The following LPP variants were observed in gnomAD, a reference collection of about 807,000 sequenced individuals.
LPP encodes lipoma-preferred partner.
A neutral mutation model predicts 60.4 loss-of-function variants in LPP; 38 were observed. The observed-to-expected ratio is 0.63, with a 90% CI of 0.49 to 0.83. The LOEUF (loss-of-function observed/expected upper bound fraction) is 0.83. Among genes scored for constraint, LPP ranks in the 40% least tolerant of loss-of-function variants. The pLI is 0.00. For missense variants in LPP, 902 were observed against 783.6 expected (o/e 1.15, Z -1.80); for synonymous variants, 328 against 290.8 (o/e 1.13, Z -1.30).
chr3:188,806,474 G>A (rs890591163), intron 9 of LPP, among the ~76,000 whole-genome samples: 3 of 151,778 alleles, frequency 2.0e-5, no homozygotes, highest in East Asian at 3.9e-4. Context: ...CTTTTAGACA[G>A]ATACGTCTTT....
rs1297300238 is a variant in LPP, at chr3:188,182,913, G to C, written c.-190+28661G>C. On this transcript the variant is annotated intron_variant, in intron 1 of 11. Coordinates refer to ENST00000617246, the MANE Select transcript of LPP (RefSeq NM_001375462.1). This position sits in a 1 kb window ranked among gnomAD's most constrained non-coding sequence, Gnocchi z 4.4. The stretch of plus-strand genomic sequence containing the variant: ...AAGTAGACCTGGTCAAGAGTACTTA[G>C]AGAAAATTCCCTCAGTGTTTCCATT... 6.6e-6 allele frequency among the ~76,000 whole-genome samples: 1 copy of C among 152,080 alleles called. No homozygotes were observed. The highest frequency in any genetic ancestry group is 1.5e-5 in the Non-Finnish European group (1 of 68,024).
At chr3:188,602,263 T>C (rs992269115) in intron 6 of LPP, among the ~76,000 whole-genome samples, 6 of 145,054 alleles carry the variant, frequency 4.1e-5, no homozygotes, top group Non-Finnish European at 7.6e-5. Context: ...AGTGGCCTGG[T>C]TGGATGAGGA....
chr3:188,492,333 G>A (rs944145163), intron 5 of LPP, among the ~76,000 whole-genome samples: 1 of 152,096 alleles, frequency 6.6e-6, no homozygotes, highest in African/African-American at 2.4e-5. Context: ...TTCTTCAAAG[G>A]TGAAATGTAC....
chr3:188,315,651 A>T (rs1187586078), intron 2 of LPP, among the ~76,000 whole-genome samples: 1 of 152,198 alleles, frequency 6.6e-6, no homozygotes, highest in Non-Finnish European at 1.5e-5. Context: ...CTTTGTAGGG[A>T]CAGGAACCTT....
chr3:188,304,880 G>A lies in LPP; in HGVS notation c.-66-36783G>A, dbSNP rs114878263. 8.1e-3 allele frequency among the ~76,000 whole-genome samples: 1,227 copies of A among 152,210 alleles called. 13 individuals carry two copies. The highest frequency in any genetic ancestry group is 0.028 in the African/African-American group (1,157 of 41,546). On this transcript the variant is annotated intron_variant, in intron 2 of 11. Transcript: ENST00000617246. ...ACCTTTCTTAACAGCTCTTCTGATA[G>A]TTAAATGTCAGTTGCTTCAAAAAAG...
chr3:188,879,662 A>C lies in LPP; in HGVS notation c.*5183A>C, dbSNP rs3856922. ...TTTAAGTCTGAAGCAATGTAACCCC[A>C]AAAAATTATAATTTTAATGATGGCA... On this transcript the variant is annotated 3_prime_UTR_variant, in exon 12 of 12. Coordinates refer to ENST00000617246, the MANE Select transcript of LPP (RefSeq NM_001375462.1). 0.14 allele frequency: 25,172 copies of C among 183,106 alleles called. 2,251 individuals are homozygous for C. The highest frequency in any genetic ancestry group is 0.24 in the Middle Eastern group (118 of 490). 11.3% of individuals were successfully genotyped at this position (183,106 alleles called of 1,614,324 possible). A position where few individuals can be genotyped will look rare whatever the true frequency, so the allele number is the denominator to read the frequency against.
chr3:188,501,073 T>G (rs1811688208), intron 5 of LPP, among the ~76,000 whole-genome samples: 1 of 152,120 alleles, frequency 6.6e-6, no homozygotes, highest in South Asian at 2.1e-4. Flanking sequence ...TTATTATTTC[T>G]TCCCTTCTGG....
At chr3:188,852,161 C>G (rs1265655509) in intron 9 of LPP, among the ~76,000 whole-genome samples, 1 of 152,046 alleles carries the variant, frequency 6.6e-6, no homozygotes. Context: ...GAGACTCTGT[C>G]TCAAAAAAGA....
rs140733321 is a variant in LPP, at chr3:188,762,253, A to G, written c.1410+1971A>G. On this transcript the variant is annotated intron_variant, in intron 9 of 11. Coordinates refer to ENST00000617246, the MANE Select transcript of LPP (RefSeq NM_001375462.1). Reference sequence around the variant, plus strand: ...GGAAAATTATTTACTCTTTCTAAGTATCAGTTGCCTCATCTATATAATGGG... The same window carrying G: ...GGAAAATTATTTACTCTTTCTAAGTGTCAGTTGCCTCATCTATATAATGGG... Among the ~76,000 whole-genome samples, 124 of 152,314 alleles carry G rather than the reference A, an allele frequency of 8.1e-4. 2 individuals carry two copies. Among genetic ancestry groups the G allele is most frequent in the African/African-American group, 2.9e-3 (122 of 41,564 alleles).
intron 2 of LPP, among the ~76,000 whole-genome samples, chr3:188,237,868 T>C (rs1182536418): frequency 1.3e-5 from 2 of 152,224 alleles, no homozygotes; most frequent in African/African-American, 4.8e-5. Context: ...CCAGCCACAT[T>C]AGCCTCTAAC....
At chr3:188,317,829 A>G (rs1755552143) in intron 2 of LPP, among the ~76,000 whole-genome samples, 1 of 152,144 alleles carries the variant, frequency 6.6e-6, no homozygotes, top group South Asian at 2.1e-4. Context: ...GCACAGGGAG[A>G]AAAGAGAGAA....
intron 5 of LPP, among the ~76,000 whole-genome samples, chr3:188,519,832 A>C (rs1338506086): frequency 6.6e-6 from 1 of 152,164 alleles, no homozygotes; most frequent in Non-Finnish European, 1.5e-5. Flanking sequence ...TGTGAATTTA[A>C]ATTTTTTGGA....
chr3:188,609,317 A>C lies in LPP; in HGVS notation c.586A>C (p.Ile196Leu). Reference sequence around the variant, plus strand: ...GGCTGGACCCATCCCTGTGGCTCCAATCGGAACACTCAAACCCCAGCCTCA... The same window carrying C: ...GGCTGGACCCATCCCTGTGGCTCCACTCGGAACACTCAAACCCCAGCCTCA... ...PQAGPIPVAP[I>L]GTLKPQPQPV... is the part of the protein sequence containing the mutation. Residue 196 changes from isoleucine (I) to leucine (L), a missense_variant, in exon 7 of 12, where the codon ATC becomes CTC. Physicochemically the swap from Ile to Leu is conservative, Grantham distance 5. Coordinates refer to ENST00000617246, the MANE Select transcript of LPP (RefSeq NM_001375462.1). The surrounding 1 kb of genome is among the most constrained non-coding windows in gnomAD (Gnocchi z 6.9). 1 of 1,614,022 alleles carries C rather than the reference A, an allele frequency of 6.2e-7. No homozygotes were observed. Among genetic ancestry groups the C allele is most frequent in the Non-Finnish European group, 8.5e-7 (1 of 1,179,996 alleles).
intron 8 of LPP, among the ~76,000 whole-genome samples, chr3:188,732,716 C>CAAA (rs1167795146): frequency 0.24 from 17,981 of 74,116 alleles, 2,427 homozygotes; most frequent in Middle Eastern, 0.43. Flanking sequence ...AGACTCTTAT[C>CAAA]AAAAAAAAAA....
intron 5 of LPP, among the ~76,000 whole-genome samples, chr3:188,496,136 T>G (rs1453664089): frequency 6.6e-6 from 1 of 152,082 alleles, no homozygotes; most frequent in Admixed American, 6.5e-5. Context: ...ACGTCTTTTT[T>G]TTTTGAGACA....
chr3:188,496,194 C>G (rs537526337), intron 5 of LPP, among the ~76,000 whole-genome samples: 1 of 151,918 alleles, frequency 6.6e-6, no homozygotes, highest in Non-Finnish European at 1.5e-5. Context: ...GGCATGATCT[C>G]CACTCACTGC....
chr3:188,310,911 T>G (rs145375931), intron 2 of LPP, among the ~76,000 whole-genome samples: 1 of 152,202 alleles, frequency 6.6e-6, no homozygotes, highest in African/African-American at 2.4e-5. Flanking sequence ...GAACTTGGGC[T>G]AAGTGCTTTA....
intron 9 of LPP, among the ~76,000 whole-genome samples, chr3:188,760,932 T>C (rs1732108426): frequency 6.6e-6 from 1 of 152,178 alleles, no homozygotes; most frequent in Non-Finnish European, 1.5e-5. Context: ...TATACCTGGG[T>C]AACTAAAAAA....
intron 2 of LPP, among the ~76,000 whole-genome samples, chr3:188,240,376 T>TGTGTGTGAGAGA (rs534393899): frequency 7.7e-5 from 11 of 143,232 alleles, no homozygotes. Flanking sequence ...TGTGTGTGTG[T>TGTGTGTGAGAGA]GAGAGAGAGA....
Sources: allele counts gnomAD v4.1 joint callset (sites outside exome capture counted in the v4.1 genomes callset), GRCh38; gene constraint gnomAD v4.1.1; non-coding constraint Gnocchi (gnomAD v3.1); transcripts MANE v1.5; gene names NCBI Gene and HGNC (gene_info 2026-07-23, HGNC 2026-07-21).